GRK6: variants seen among roughly 807,000 people sequenced by gnomAD.
GRK6 encodes the protein G protein-coupled receptor kinase 6.
Under a neutral mutation model 80.8 loss-of-function variants are expected in GRK6, and 37 were observed. The observed-to-expected ratio is 0.46, with a 90% CI of 0.35 to 0.60. The LOEUF is 0.60. GRK6 is among the 20% of genes least tolerant of loss of function. GRK6 has a pLI of 0.00. For synonymous variants in GRK6, 295 were observed against 320.9 expected (o/e 0.92, Z 0.86); for missense variants, 560 against 784.6 (o/e 0.71, Z 3.42).
intron 13 of GRK6, 137 bp from the exon 14 acceptor site, chr5:177,440,563 G>A: frequency 9.9e-7 from 1 of 1,010,236 alleles, no homozygotes; most frequent in Non-Finnish European, 1.5e-6. Flanking sequence ...AGTGCGTGGG[G>A]CACCTGGTTT....
chr5:177,437,025 G>A (rs765868278), intron 13 of GRK6, among the ~76,000 whole-genome samples: 2 of 151,814 alleles, frequency 1.3e-5, no homozygotes, highest in African/African-American at 2.4e-5. Flanking sequence ...TGAGATCTTG[G>A]CTCCCTGCAA....
In GRK6 at chr5:177,440,760, G is replaced by A. The variant is rs540859187; in HGVS notation, c.1465G>A (p.Val489Met). ...DIEQFSTVKGVELEPTDQDFY... is the reference protein window; with the variant it reads ...DIEQFSTVKGMELEPTDQDFY... ...TGAACAGTTCTCTACGGTCAAGGGC[G>A]TGGAGCTGGAGCCTACCGACCAGGA... Residue 489 changes from valine (V) to methionine (M), a missense_variant, in exon 14 of 16, where the codon GTG becomes ATG. Physicochemically the swap from Val to Met is conservative, Grantham distance 21. Around this residue, in one of 3 missense-constraint regions of GRK6, gnomAD observed 294 missense variants for 397.4 expected, o/e 0.74. Transcript: ENST00000355472. 24 of 1,614,196 alleles carry A rather than the reference G, an allele frequency of 1.5e-5. No homozygotes were observed. Among genetic ancestry groups the A allele is most frequent in the Non-Finnish European group, 1.9e-5 (22 of 1,180,028 alleles).
chr5:177,431,938 T>C (rs1473092805), intron 2 of GRK6, 57 bp from the exon 3 acceptor site: 3 of 1,487,418 alleles, frequency 2.0e-6, no homozygotes, highest in South Asian at 1.1e-5. Flanking sequence ...TGTGGGCACA[T>C]GCCCCACCCA....
chr5:177,429,498 G>T lies in GRK6; in HGVS notation c.53-1374G>T, dbSNP rs879627548. On this transcript the variant is annotated intron_variant, in intron 1 of 15. Coordinates refer to ENST00000355472, the MANE Select transcript of GRK6 (RefSeq NM_001004106.3). This position sits in a 1 kb window ranked among gnomAD's most constrained non-coding sequence, Gnocchi z 4.3. ...GGGAAGGCCTTGCCCTGGGTTGAGGGGTGGGTGTCTGTTGCTCACTCACAG... is the reference window on the plus strand; with the variant it reads ...GGGAAGGCCTTGCCCTGGGTTGAGGTGTGGGTGTCTGTTGCTCACTCACAG... Among the ~76,000 whole-genome samples, 1 of 152,156 alleles carries T rather than the reference G, an allele frequency of 6.6e-6. No homozygotes were observed. Among genetic ancestry groups the T allele is most frequent in the Non-Finnish European group, 1.5e-5 (1 of 68,024 alleles).
chr5:177,436,429 C>T lies in GRK6; in HGVS notation c.1303C>T (p.Arg435Cys), dbSNP rs374437384. The change falls in exon 13 of 16, where the codon CGT becomes TGT. Residue 435 changes from arginine to cysteine, a missense_variant. By Grantham distance (180) the Arg-to-Cys change is radical (BLOSUM62 -3). Coordinates refer to ENST00000355472, the MANE Select transcript of GRK6 (RefSeq NM_001004106.3). ...CKDPAERLGC[R>C]GGSAREVKEH... ...GGACCCTGCCGAACGCCTGGGGTGT[C>T]GTGGGGGCAGTGCCCGCGAGGTGAA... 18 of 1,530,192 alleles carry T rather than the reference C, an allele frequency of 1.2e-5. No individual in the cohort carries two copies. The highest frequency in any genetic ancestry group is 2.8e-5 in the African/African-American group (2 of 71,814). The allele number at this position is 1,530,192 out of a possible 1,614,324, so 94.8% of individuals were successfully genotyped here. A position where few individuals can be genotyped will look rare whatever the true frequency, so the allele number is the denominator to read the frequency against.
At chr5:177,427,085 C>T (rs1763702806) in intron 1 of GRK6, among the ~76,000 whole-genome samples, 188 bp downstream of exon 1, 1 of 152,044 alleles carries the variant, frequency 6.6e-6, no homozygotes, top group Non-Finnish European at 1.5e-5. Context: ...GGATTCGGGG[C>T]CCAGGAAGGG....
intron 15 of GRK6, 65 bp downstream of exon 15, chr5:177,441,118 A>G: frequency 1.3e-6 from 2 of 1,587,610 alleles, no homozygotes; most frequent in Non-Finnish European, 1.7e-6. Flanking sequence ...GGTGGGAGGC[A>G]GAGCCGGTGC....
intron 2 of GRK6, among the ~76,000 whole-genome samples, 160 bp downstream of exon 2, chr5:177,431,127 G>A (rs1029860193): frequency 6.6e-6 from 1 of 152,242 alleles, no homozygotes; most frequent in African/African-American, 2.4e-5. Flanking sequence ...TCAGTTCCTG[G>A]GCTTGGGACG....
At chr5:177,439,652 A>C (rs1313425611) in intron 13 of GRK6, among the ~76,000 whole-genome samples, 1 of 151,094 alleles carries the variant, frequency 6.6e-6, no homozygotes, top group African/African-American at 2.4e-5. Flanking sequence ...AAAAAAAAAA[A>C]CCCATACCCT....
rs1050034113 is a variant in GRK6, at chr5:177,428,779, G to T, written c.52+1882G>T. 6.6e-6 allele frequency among the ~76,000 whole-genome samples: 1 copy of T among 152,074 alleles called. No individual in the cohort carries two copies. Among genetic ancestry groups the T allele is most frequent in the Non-Finnish European group, 1.5e-5 (1 of 68,008 alleles). On this transcript the variant is annotated intron_variant, in intron 1 of 15. Transcript: ENST00000355472. This position sits in a 1 kb window ranked among gnomAD's most constrained non-coding sequence, Gnocchi z 4.1. ...ACTTCAGTACCCCTTTTTGTGGAAC[G>T]GTTGGGGGTGGGACATAAAGACTAA...
chr5:177,433,036 C>T (rs1763981384), intron 5 of GRK6, 111 bp from the exon 6 acceptor site: 4 of 979,698 alleles, frequency 4.1e-6, no homozygotes, highest in Admixed American at 3.8e-5. Context: ...GACTGGCCGA[C>T]GACGATACCT....
At chr5:177,430,234 C>T (rs191361137) in intron 1 of GRK6, among the ~76,000 whole-genome samples, 58 of 152,332 alleles carry the variant, frequency 3.8e-4, no homozygotes, top group African/African-American at 1.3e-3. Context: ...ACGTTTCCCA[C>T]ACCTGTTGGG....
In GRK6 at chr5:177,441,811, C is replaced by T; in HGVS notation, c.*21C>T. 6.2e-7 allele frequency: 1 copy of T among 1,607,060 alleles called. No homozygotes were observed. The highest frequency in any genetic ancestry group is 8.5e-7 in the Non-Finnish European group (1 of 1,174,244). On this transcript the variant is annotated 3_prime_UTR_variant, in exon 16 of 16. Coordinates refer to ENST00000355472, the MANE Select transcript of GRK6 (RefSeq NM_001004106.3). Reference sequence around the variant, plus strand: ...TCTAGCCCCCAGCCCGAGGCCCCCACCAGCAGTTGGCGGTAGCAGCTACTC... The same window carrying T: ...TCTAGCCCCCAGCCCGAGGCCCCCATCAGCAGTTGGCGGTAGCAGCTACTC...
chr5:177,433,357 A>T lies in GRK6; in HGVS notation c.544A>T (p.Thr182Ser). The change falls in exon 7 of 16, where the codon ACC becomes TCC. Residue 182 changes from threonine to serine, a missense_variant. By Grantham distance (58) the Thr-to-Ser change is moderately conservative (BLOSUM62 1). Transcript: ENST00000355472. ...QWKWLERQPV[T>S]KNTFRQYRVL... ...CACCCCTTGCCACAGGCAGCCAGTG[A>T]CCAAAAACACCTTCAGGCAATACCG... 6.2e-7 allele frequency: 1 copy of T among 1,613,880 alleles called. No individual in the cohort carries two copies. Among genetic ancestry groups the T allele is most frequent in the Non-Finnish European group, 8.5e-7 (1 of 1,179,906 alleles).
intron 1 of GRK6, 91 bp downstream of exon 1, chr5:177,426,988 C>T: frequency 1.2e-6 from 1 of 848,922 alleles, no homozygotes; most frequent in East Asian, 3.6e-5. Context: ...CCGTCGGATC[C>T]CCTAGGCCCG....
intron 15 of GRK6, chr5:177,441,293 G>A (rs762413779): frequency 1.1e-5 from 17 of 1,553,340 alleles, no homozygotes; most frequent in South Asian, 4.7e-5. Context: ...GCCTGGCCTC[G>A]GGGAGCCACG....
In GRK6 at chr5:177,429,458, AG is replaced by A. The variant is rs1763797882; in HGVS notation, c.53-1412del. On this transcript the variant is annotated intron_variant, in intron 1 of 15. Transcript: ENST00000355472. The surrounding 1 kb of genome is among the most constrained non-coding windows in gnomAD (Gnocchi z 4.3). The stretch of plus-strand genomic sequence containing the variant: ...GGTGAGGGACCTGTGGGTGTGGGGG[AG>A]GAGTTCCCCTTCTGGGAAGGCCTTG... Among the ~76,000 whole-genome samples, 1 of 151,538 alleles carries A rather than the reference AG, an allele frequency of 6.6e-6. No homozygotes were observed. Among genetic ancestry groups the A allele is most frequent in the Non-Finnish European group, 1.5e-5 (1 of 67,870 alleles).
In GRK6 at chr5:177,440,766, C is replaced by T. The variant is rs1764443123; in HGVS notation, c.1471C>T (p.Leu491=). 6.2e-7 allele frequency: 1 copy of T among 1,614,212 alleles called. No homozygotes were observed. The highest frequency in any genetic ancestry group is 8.5e-7 in the Non-Finnish European group (1 of 1,180,024). The change falls in exon 14 of 16, where the codon CTG becomes TTG. Residue 491 remains leucine, a synonymous_variant. Transcript: ENST00000355472. The part of the protein sequence containing the change: ...EQFSTVKGVE[L]EPTDQDFYQK... The stretch of plus-strand genomic sequence containing the variant: ...GTTCTCTACGGTCAAGGGCGTGGAG[C>T]TGGAGCCTACCGACCAGGACTTCTA...
At chr5:177,441,104 G>A (rs376922856) in intron 15 of GRK6, 51 bp downstream of exon 15, 41 of 1,600,552 alleles carry the variant, frequency 2.6e-5, no homozygotes, top group Admixed American at 1.7e-4. Context: ...TCCAGGGGAC[G>A]GTGGGTGGGA....
Sources: gnomAD v4.1 joint callset for allele counts (sites outside exome capture counted in the v4.1 genomes callset) on GRCh38, gnomAD v4.1.1 for gene constraint, gnomAD v4.1.1 regional missense constraint, Gnocchi (gnomAD v3.1) non-coding constraint, MANE v1.5 for transcripts, NCBI Gene and HGNC (gene_info 2026-07-23, HGNC 2026-07-21) for gene names.